AGAP1: variants seen among roughly 807,000 people sequenced by gnomAD.
AGAP1 encodes ArfGAP with GTPase domain, ankyrin repeat and PH domain 1, also known as arf-GAP with GTPase, ANK repeat and PH domain-containing protein 1.
In AGAP1, 29 loss-of-function variants were observed where a neutral mutation model predicts 105.3. The ratio of observed to expected loss-of-function variants is 0.28; its 90% CI spans 0.21 to 0.38. The LOEUF (loss-of-function observed/expected upper bound fraction) is 0.38. Among genes scored for constraint, AGAP1 ranks in the 10% least tolerant of loss-of-function variants. The pLI is 1.00. For synonymous variants in AGAP1, 509 were observed against 485.9 expected (o/e 1.05, Z -0.63); for missense variants, 998 against 1,165.1 (o/e 0.86, Z 2.09).
chr2:235,821,610 A>G (rs951297810), intron 9 of AGAP1, among the ~76,000 whole-genome samples: 1 of 152,188 alleles, frequency 6.6e-6, no homozygotes, highest in Non-Finnish European at 1.5e-5. Flanking sequence ...AAGACTCCAT[A>G]TACCCTTCAC....
intron 1 of AGAP1, among the ~76,000 whole-genome samples, chr2:235,706,419 G>C (rs1384858462): frequency 6.6e-6 from 1 of 151,668 alleles, no homozygotes; most frequent in East Asian, 1.9e-4. Context: ...CAGTAGAGTT[G>C]GGGTTTCACC....
At position 236,050,961 on chromosome 2, in the gene AGAP1, C is replaced by A. The variant is rs1037735918; in HGVS notation, c.2114+1680C>A. The stretch of plus-strand genomic sequence containing the variant: ...CTAATTTGCATCCTTGAATTAAGTT[C>A]TTGAGTGCAGAGCCCTGTCTTTTTT... On this transcript the variant is annotated intron_variant, in intron 16 of 17. Transcript: ENST00000304032. This position sits in a 1 kb window ranked among gnomAD's most constrained non-coding sequence, Gnocchi z 4.0. 2.6e-5 allele frequency among the ~76,000 whole-genome samples: 4 copies of A among 152,176 alleles called. No homozygotes were observed. Among genetic ancestry groups the A allele is most frequent in the African/African-American group, 9.7e-5 (4 of 41,436 alleles).
intron 1 of AGAP1, chr2:235,670,165 G>GC (rs1176380104): frequency 4.5e-5 from 26 of 582,770 alleles, no homozygotes; most frequent in South Asian, 8.8e-5. Flanking sequence ...CGCGCGGGAC[G>GC]CCCCCCAGAA....
Position 235,919,918 on chromosome 2 carries a change from C to T in AGAP1, c.1325-10847C>T, listed in dbSNP as rs1250306917. 6.6e-6 allele frequency among the ~76,000 whole-genome samples: 1 copy of T among 152,152 alleles called. No homozygotes were observed. The highest frequency in any genetic ancestry group is 1.5e-5 in the Non-Finnish European group (1 of 68,036). The stretch of plus-strand genomic sequence containing the variant: ...GAGATGGATTGTGGCCAAGACAAGC[C>T]GTACGATGGCGCTCTCCATAAACAC... On this transcript the variant is annotated intron_variant, in intron 11 of 17. Coordinates refer to ENST00000304032, the MANE Select transcript of AGAP1 (RefSeq NM_001037131.3). The surrounding 1 kb of genome is among the most constrained non-coding windows in gnomAD (Gnocchi z 4.1).
intron 10 of AGAP1, among the ~76,000 whole-genome samples, chr2:235,907,202 ATC>A (rs2051348442): frequency 6.6e-6 from 1 of 152,184 alleles, no homozygotes; most frequent in East Asian, 1.9e-4. Context: ...TGATCCAACT[ATC>A]TCTCTGCATC....
chr2:235,768,049 C>T (rs1056921982), intron 6 of AGAP1, among the ~76,000 whole-genome samples: 10 of 152,092 alleles, frequency 6.6e-5, no homozygotes, highest in East Asian at 3.9e-4. Flanking sequence ...TGCCTCCCAC[C>T]GTGCTAGAAT....
At chr2:235,937,426 C>CTTA (rs898649615) in intron 12 of AGAP1, among the ~76,000 whole-genome samples, 6 of 152,216 alleles carry the variant, frequency 3.9e-5, no homozygotes, top group African/African-American at 1.4e-4. Context: ...TCCTTAGTTC[C>CTTA]TTCCTATCAG....
chr2:236,048,987 G>T, intron 15 of AGAP1, 72 bp from the exon 16 acceptor site: 2 of 1,413,814 alleles, frequency 1.4e-6, no homozygotes, highest in Non-Finnish European at 9.8e-7. Flanking sequence ...TCGTCGCCTT[G>T]TGTTTCTAAG....
intron 10 of AGAP1, among the ~76,000 whole-genome samples, chr2:235,894,842 G>T (rs2050727068): frequency 6.6e-6 from 1 of 152,208 alleles, no homozygotes. Context: ...GGAATCAGTT[G>T]TGGTTTCCGA....
chr2:235,698,654 A>G (rs1950111752), intron 1 of AGAP1, among the ~76,000 whole-genome samples: 1 of 152,142 alleles, frequency 6.6e-6, no homozygotes, highest in Non-Finnish European at 1.5e-5. Context: ...TAAGGTGACA[A>G]TGTTCTACCG....
intron 1 of AGAP1, among the ~76,000 whole-genome samples, chr2:235,570,131 T>G (rs776862378): frequency 1.3e-5 from 2 of 151,770 alleles, no homozygotes; most frequent in Non-Finnish European, 2.9e-5. Context: ...GTTCCCAGGC[T>G]TCCCCCTAGC....
chr2:235,812,910 AT>A (rs1349456111), intron 9 of AGAP1, among the ~76,000 whole-genome samples: 1 of 152,212 alleles, frequency 6.6e-6, no homozygotes, highest in Admixed American at 6.5e-5. Context: ...GAAGCAGATA[AT>A]TTACAGAGTG....
Position 236,045,971 on chromosome 2 carries a change from C to T in AGAP1, c.1892-3088C>T, listed in dbSNP as rs1269191417. The T allele has an allele frequency of 1.5e-5, 7 of 471,586 alleles. No individual in the cohort carries two copies. Among genetic ancestry groups the T allele is most frequent in the African/African-American group, 1.4e-4 (7 of 50,056 alleles). 29.2% of individuals were successfully genotyped at this position (471,586 alleles called of 1,614,324 possible). On this transcript the variant is annotated intron_variant, in intron 15 of 17. Coordinates refer to ENST00000304032, the MANE Select transcript of AGAP1 (RefSeq NM_001037131.3). This position sits in a 1 kb window ranked among gnomAD's most constrained non-coding sequence, Gnocchi z 6.9. Reference sequence around the variant, plus strand: ...TTCGGAGTCCGGCACAGGAATGTGTCCCACGCATGAATGTCGTCCTTCAGA... The same window carrying T: ...TTCGGAGTCCGGCACAGGAATGTGTTCCACGCATGAATGTCGTCCTTCAGA...
At chr2:235,895,699 T>A (rs1425119673) in intron 10 of AGAP1, among the ~76,000 whole-genome samples, 1 of 118,908 alleles carries the variant, frequency 8.4e-6, no homozygotes, top group Admixed American at 1.0e-4. Flanking sequence ...CACTGGCTTG[T>A]TGGATGGATG....
rs1438127098 is a variant in AGAP1, at chr2:236,114,299, GTC to G, written c.2115-5891_2115-5890del. Reference sequence around the variant, plus strand: ...TTGCGGCCTCCGAGTGACCATTTGAGTCTGTGTGCTTTGACATCATGGCTTCT... The same window carrying G: ...TTGCGGCCTCCGAGTGACCATTTGAGTGTGTGCTTTGACATCATGGCTTCT... On this transcript the variant is annotated intron_variant, in intron 16 of 17. Coordinates refer to ENST00000304032, the MANE Select transcript of AGAP1 (RefSeq NM_001037131.3). The surrounding 1 kb of genome is among the most constrained non-coding windows in gnomAD (Gnocchi z 5.0). Among the ~76,000 whole-genome samples, 2 of 152,172 alleles carry G rather than the reference GTC, an allele frequency of 1.3e-5. No homozygotes were observed. The highest frequency in any genetic ancestry group is 4.8e-5 in the African/African-American group (2 of 41,434).
intron 13 of AGAP1, among the ~76,000 whole-genome samples, chr2:235,987,094 C>T (rs1017937743): frequency 2.0e-5 from 3 of 148,598 alleles, no homozygotes; most frequent in African/African-American, 5.0e-5. Context: ...GAATCTGGTC[C>T]TGGGCTTTTT....
chr2:235,685,799 C>T (rs544674393), intron 1 of AGAP1, among the ~76,000 whole-genome samples: 4 of 152,144 alleles, frequency 2.6e-5, no homozygotes, highest in South Asian at 2.1e-4. Context: ...TGAGGATGTG[C>T]GCTCATTAAC....
At chr2:235,684,960 C>A (rs1203794597) in intron 1 of AGAP1, among the ~76,000 whole-genome samples, 1 of 152,110 alleles carries the variant, frequency 6.6e-6, no homozygotes, top group Non-Finnish European at 1.5e-5. Context: ...TTGTGAAGCC[C>A]TTGTTCTTGG....
At position 235,716,841 on chromosome 2, in the gene AGAP1, C is replaced by T. The variant is rs1041211695; in HGVS notation, c.223-716C>T. On this transcript the variant is annotated intron_variant, in intron 2 of 17. Transcript: ENST00000304032. This position sits in a 1 kb window ranked among gnomAD's most constrained non-coding sequence, Gnocchi z 4.0. Reference sequence around the variant, plus strand: ...GAATCCCCTGGAAAGTCAGCCTTGCCGCCAGGTTACTGCTAGGACAGAGGC... The same window carrying T: ...GAATCCCCTGGAAAGTCAGCCTTGCTGCCAGGTTACTGCTAGGACAGAGGC... Among the ~76,000 whole-genome samples, 6 of 152,180 alleles carry T rather than the reference C, an allele frequency of 3.9e-5. No homozygotes were observed. Among genetic ancestry groups the T allele is most frequent in the Admixed American group, 2.0e-4 (3 of 15,284 alleles).
Sources: gnomAD v4.1 joint callset for allele counts (sites outside exome capture counted in the v4.1 genomes callset) on GRCh38, gnomAD v4.1.1 for gene constraint, Gnocchi (gnomAD v3.1) non-coding constraint, MANE v1.5 for transcripts, NCBI Gene and HGNC (gene_info 2026-07-23, HGNC 2026-07-21) for gene names.